SRRM4: variants seen among roughly 807,000 people sequenced by gnomAD.
The protein encoded by SRRM4 is serine/arginine repetitive matrix protein 4.
In SRRM4, 33 loss-of-function variants were observed where a neutral mutation model predicts 68.9. That is an observed-to-expected ratio of 0.48 (90% CI 0.36 to 0.64). The LOEUF (loss-of-function observed/expected upper bound fraction) is 0.64, where lower values mean the gene tolerates loss of function less well. Ranked by LOEUF, SRRM4 falls within the 30% of genes least tolerant of loss-of-function variation. The pLI is 0.00. For missense variants in SRRM4, 817 were observed against 827.1 expected (o/e 0.99, Z 0.15); for synonymous variants, 318 against 318.8 (o/e 1.00, Z 0.03).
chr12:119,125,707 A>G (rs1474094467), intron 7 of SRRM4, among the ~76,000 whole-genome samples: 1 of 152,064 alleles, frequency 6.6e-6, no homozygotes, highest in South Asian at 2.1e-4. Context: ...AAATTATGAG[A>G]TCAGGAGTTC....
chr12:119,116,288 G>A (rs1275598237), intron 3 of SRRM4, among the ~76,000 whole-genome samples: 1 of 152,188 alleles, frequency 6.6e-6, no homozygotes, highest in African/African-American at 2.4e-5. Context: ...TCAGTCTTGA[G>A]TCATCACCAT....
rs554714132 is a variant in SRRM4, at chr12:119,101,582, C to T, written c.132-654C>T. 6.6e-4 allele frequency among the ~76,000 whole-genome samples: 101 copies of T among 151,994 alleles called. 1 individual carries two copies. The South Asian group carries it at 0.015, about 22-fold the overall frequency. On this transcript the variant is annotated intron_variant, in intron 1 of 12. Coordinates refer to ENST00000267260, the MANE Select transcript of SRRM4 (RefSeq NM_194286.4). The stretch of plus-strand genomic sequence containing the variant: ...ATCTCATTTTATCTTCACAATAGCT[C>T]GGAAATACATGAATTGATACTATTC...
chr12:119,151,115 G>C lies in SRRM4; in HGVS notation c.1175G>C (p.Ser392Thr). 1 of 1,613,960 alleles carries C rather than the reference G, an allele frequency of 6.2e-7. No homozygotes were observed. The highest frequency in any genetic ancestry group is 8.5e-7 in the Non-Finnish European group (1 of 1,179,886). ...TCACCCATGAAAGGGTGTTCCCGCA[G>C]CTCCTCCTATGCCAGCACCCGATCC... ...RSSPMKGCSRSSSYASTRSSS... is the reference protein window; with the variant it reads ...RSSPMKGCSRTSSYASTRSSS... The change falls in exon 10 of 13, where the codon AGC becomes ACC. Residue 392 changes from serine to threonine, a missense_variant. Ser to Thr is a moderately conservative substitution (Grantham distance 58). Transcript: ENST00000267260.
chr12:119,052,908 G>C (rs1270692051), intron 1 of SRRM4, among the ~76,000 whole-genome samples: 1 of 152,214 alleles, frequency 6.6e-6, no homozygotes, highest in Non-Finnish European at 1.5e-5. Context: ...AAATAAATTG[G>C]AGATTGGAGT....
chr12:119,064,740 A>T (rs1953835019), intron 1 of SRRM4, among the ~76,000 whole-genome samples: 1 of 152,206 alleles, frequency 6.6e-6, no homozygotes, highest in African/African-American at 2.4e-5. Flanking sequence ...AGTGCTTTAT[A>T]AATGTCTTAT....
chr12:119,059,906 G>A (rs551747712), intron 1 of SRRM4, among the ~76,000 whole-genome samples: 1 of 152,216 alleles, frequency 6.6e-6, no homozygotes, highest in East Asian at 1.9e-4. Flanking sequence ...AGGGTGCAGA[G>A]TCCCTTCATG....
chr12:119,114,035 C>A, intron 2 of SRRM4: 1 of 357,480 alleles, frequency 2.8e-6, no homozygotes, highest in Non-Finnish European at 5.2e-6. Flanking sequence ...CTCTATAACT[C>A]TGTTTTTAAT....
chr12:119,096,043 T>C (rs928346365), intron 1 of SRRM4, among the ~76,000 whole-genome samples: 6 of 151,614 alleles, frequency 4.0e-5, no homozygotes, highest in African/African-American at 1.4e-4. Flanking sequence ...TATTTTTTTA[T>C]GGAGTCTTGC....
At chr12:119,053,517 A>G (rs1180412960) in intron 1 of SRRM4, among the ~76,000 whole-genome samples, 2 of 152,188 alleles carry the variant, frequency 1.3e-5, no homozygotes, top group South Asian at 2.1e-4. Flanking sequence ...GCCTTGAGAA[A>G]GGTTTGTGAC....
chr12:119,044,165 C>T (rs189159725), intron 1 of SRRM4, among the ~76,000 whole-genome samples: 8 of 152,326 alleles, frequency 5.3e-5, no homozygotes, highest in African/African-American at 9.6e-5. Context: ...CTGCACCCTG[C>T]CTATTTCCTG....
chr12:119,133,392 T>C (rs1374082719), intron 8 of SRRM4, among the ~76,000 whole-genome samples: 2 of 152,162 alleles, frequency 1.3e-5, no homozygotes, highest in Admixed American at 1.3e-4. Context: ...GTAGTAGTCA[T>C]AGTAATAGTA....
At chr12:119,145,260 TCTC>T in intron 8 of SRRM4, 118 bp from the exon 9 acceptor site, 2 of 879,824 alleles carry the variant, frequency 2.3e-6, no homozygotes, top group East Asian at 3.0e-5. Flanking sequence ...TCTTCTTTCT[TCTC>T]CTCTCTCTCT....
intron 4 of SRRM4, among the ~76,000 whole-genome samples, chr12:119,119,354 C>T (rs1256509852): frequency 6.6e-6 from 1 of 151,888 alleles, no homozygotes; most frequent in African/African-American, 2.4e-5. Context: ...AGTCCCTGCC[C>T]TCCAATTCTC....
At chr12:119,050,272 A>G (rs1313069515) in intron 1 of SRRM4, among the ~76,000 whole-genome samples, 1 of 152,212 alleles carries the variant, frequency 6.6e-6, no homozygotes, top group Non-Finnish European at 1.5e-5. Flanking sequence ...CACCTTCACC[A>G]TCTTTAACAG....
At chr12:119,145,319 T>C in intron 8 of SRRM4, 62 bp from the exon 9 acceptor site, 1 of 1,391,406 alleles carries the variant, frequency 7.2e-7, no homozygotes, top group East Asian at 2.5e-5. Flanking sequence ...ATTTCTTGGT[T>C]ATTTAGAAAC....
At chr12:119,067,957 G>T (rs1953856353) in intron 1 of SRRM4, among the ~76,000 whole-genome samples, 1 of 152,116 alleles carries the variant, frequency 6.6e-6, no homozygotes, top group Non-Finnish European at 1.5e-5. Context: ...ATTAAATCCG[G>T]CCTCCCCATC....
chr12:119,085,842 G>A (rs1212578697), intron 1 of SRRM4, among the ~76,000 whole-genome samples: 1 of 152,118 alleles, frequency 6.6e-6, no homozygotes, highest in Admixed American at 6.5e-5. Flanking sequence ...GTCAGAATGG[G>A]CAAGAAAGTG....
At chr12:119,024,662 A>G (rs1953536687) in intron 1 of SRRM4, among the ~76,000 whole-genome samples, 1 of 152,180 alleles carries the variant, frequency 6.6e-6, no homozygotes, top group African/African-American at 2.4e-5. Context: ...ATTTAAACTG[A>G]GCTTCCCTGG....
At chr12:119,070,868 C>T (rs1248013644) in intron 1 of SRRM4, among the ~76,000 whole-genome samples, 1 of 152,188 alleles carries the variant, frequency 6.6e-6, no homozygotes, top group Non-Finnish European at 1.5e-5. Flanking sequence ...GGTCCTAGGA[C>T]TTGTCCTCAC....
Sources: gnomAD v4.1 joint callset for allele counts (sites outside exome capture counted in the v4.1 genomes callset) on GRCh38, gnomAD v4.1.1 for gene constraint, MANE v1.5 for transcripts, NCBI Gene and HGNC (gene_info 2026-07-23, HGNC 2026-07-21) for gene names.